Variants in IDO2 observed in about 807,000 individuals in gnomAD.
The protein encoded by IDO2 is indoleamine 2,3-dioxygenase 2.
A neutral mutation model predicts 45.1 loss-of-function variants in IDO2; 46 were observed. The observed-to-expected ratio is 1.02, with a 90% CI of 0.80 to 1.30. The LOEUF is 1.30. Among genes scored for constraint, IDO2 ranks in the 50% most tolerant of loss-of-function variants. The pLI is 0.00. For synonymous variants in IDO2, 218 were observed against 184.9 expected (o/e 1.18, Z -1.45); for missense variants, 544 against 491.8 (o/e 1.11, Z -1.00).
intron 9 of IDO2, among the ~76,000 whole-genome samples, chr8:40,010,401 C>T (rs906265219): frequency 1.3e-5 from 2 of 152,160 alleles, no homozygotes; most frequent in African/African-American, 4.8e-5. Context: ...TCATGTAGAG[C>T]TTTGTCAGCT....
At chr8:40,006,605 C>A (rs1802225663) in intron 9 of IDO2, among the ~76,000 whole-genome samples, 1 of 151,874 alleles carries the variant, frequency 6.6e-6, no homozygotes, top group African/African-American at 2.4e-5. Flanking sequence ...CTTCTTTTGT[C>A]ACATGGCTTG....
At chr8:40,011,391 G>C (rs1802308912) in intron 9 of IDO2, among the ~76,000 whole-genome samples, 2 of 152,188 alleles carry the variant, frequency 1.3e-5, no homozygotes, top group African/African-American at 4.8e-5. Context: ...TACAAAGAAA[G>C]ACCCGAACAT....
intron 3 of IDO2, among the ~76,000 whole-genome samples, chr8:39,966,417 A>G (rs1216281729): frequency 6.6e-6 from 1 of 152,250 alleles, no homozygotes; most frequent in Admixed American, 6.5e-5. Flanking sequence ...TGAAACAGGA[A>G]TTGTTTGTGA....
chr8:39,937,297 GA>G (rs1272982174), intron 1 of IDO2, among the ~76,000 whole-genome samples: 1 of 152,130 alleles, frequency 6.6e-6, no homozygotes, highest in African/African-American at 2.4e-5. Flanking sequence ...ACCAGGTACG[GA>G]AAAAATGAAA....
chr8:40,002,782 A>AAAAT (rs933791399), intron 8 of IDO2, among the ~76,000 whole-genome samples: 1 of 152,088 alleles, frequency 6.6e-6, no homozygotes, highest in Non-Finnish European at 1.5e-5. Flanking sequence ...TCCATCTCCA[A>AAAAT]AAATAAATAA....
chr8:39,939,041 C>T (rs1807599750), intron 1 of IDO2, among the ~76,000 whole-genome samples: 1 of 150,796 alleles, frequency 6.6e-6, no homozygotes, highest in South Asian at 2.1e-4. Flanking sequence ...ATCACCAGGT[C>T]AGGAGTTTGA....
At chr8:39,935,111 C>T in exon 1 of IDO2, 1 of 1,107,048 alleles carries the variant, frequency 9.0e-7, no homozygotes, top group Non-Finnish European at 1.4e-6. Context: ...TACCATAATA[C>T]AGAAGGCAAT....
chr8:39,979,230 C>G (rs1808305703), intron 4 of IDO2, 44 bp downstream of exon 4: 1 of 1,552,870 alleles, frequency 6.4e-7, no homozygotes, highest in African/African-American at 1.4e-5. Context: ...GGCAGGTTAC[C>G]TGCGCCTGGA....
At chr8:39,985,852 A>G in intron 6 of IDO2, 1 of 232,322 alleles carries the variant, frequency 4.3e-6, no homozygotes, top group Non-Finnish European at 8.4e-6. Flanking sequence ...TTTTTTTGAG[A>G]CTGAGTCTTA....
chr8:39,970,263 C>G (rs905530347), intron 3 of IDO2, among the ~76,000 whole-genome samples: 2 of 152,208 alleles, frequency 1.3e-5, no homozygotes, highest in African/African-American at 4.8e-5. Context: ...AGGCTAGAAG[C>G]CATCTCCACA....
chr8:39,958,073 T>C (rs1807930415), intron 2 of IDO2, among the ~76,000 whole-genome samples: 1 of 151,754 alleles, frequency 6.6e-6, no homozygotes, highest in African/African-American at 2.4e-5. Flanking sequence ...GCCCGGCTCA[T>C]TTTTTGTATT....
intron 2 of IDO2, among the ~76,000 whole-genome samples, chr8:39,955,625 G>A (rs1001965063): frequency 6.6e-6 from 1 of 152,080 alleles, no homozygotes; most frequent in Non-Finnish European, 1.5e-5. Context: ...CGATAGCCAT[G>A]ATCCATAGCT....
intron 1 of IDO2, among the ~76,000 whole-genome samples, chr8:39,940,957 C>A (rs1807633139): frequency 6.7e-6 from 1 of 148,692 alleles, no homozygotes; most frequent in South Asian, 2.1e-4. Flanking sequence ...TGGCTGGGCG[C>A]GGTAGGTCAT....
chr8:39,999,753 A>G (rs571777199), intron 8 of IDO2, among the ~76,000 whole-genome samples: 191 of 152,300 alleles, frequency 1.3e-3, no homozygotes, highest in Non-Finnish European at 2.0e-3. Flanking sequence ...GGGAGCCACC[A>G]TGCCTGGCCA....
At chr8:39,978,782 T>A (rs1314602276) in intron 3 of IDO2, among the ~76,000 whole-genome samples, 1 of 151,988 alleles carries the variant, frequency 6.6e-6, no homozygotes, top group Non-Finnish European at 1.5e-5. Context: ...AGCAGTGGCT[T>A]CAGGGATGGA....
At chr8:39,949,047 C>T (rs1807777848) in intron 1 of IDO2, 102 bp from the exon 2 acceptor site, 1 of 1,466,278 alleles carries the variant, frequency 6.8e-7, no homozygotes, top group African/African-American at 1.4e-5. Flanking sequence ...AAAGTTCTCT[C>T]CTGTGCCTGA....
chr8:39,948,802 G>A (rs1807775072), intron 1 of IDO2, among the ~76,000 whole-genome samples: 1 of 151,994 alleles, frequency 6.6e-6, no homozygotes, highest in South Asian at 2.1e-4. Context: ...TACCTGTTAG[G>A]GTACAGGTTT....
In IDO2 at chr8:40,011,623, G is replaced by T. The variant is rs150813917; in HGVS notation, c.720-1942G>T. On this transcript the variant is annotated intron_variant, in intron 9 of 10. Coordinates refer to ENST00000502986, the Ensembl canonical transcript of IDO2. The stretch of plus-strand genomic sequence containing the variant: ...GTTACACAGTAATGAAAGGGGAGCC[G>T]GGATTCCCACTCACTCTAAAGAATA... Among the ~76,000 whole-genome samples, 438 of 152,262 alleles carry T rather than the reference G, an allele frequency of 2.9e-3. 3 individuals are homozygous for T. Among genetic ancestry groups the T allele is most frequent in the African/African-American group, 1.0e-2 (415 of 41,538 alleles).
chr8:40,007,192 A>G (rs1393650580), intron 9 of IDO2, among the ~76,000 whole-genome samples: 2 of 151,860 alleles, frequency 1.3e-5, no homozygotes, highest in Non-Finnish European at 2.9e-5. Context: ...AGACACCTGA[A>G]GTGCTATCAA....
Sources: allele counts gnomAD v4.1 joint callset (sites outside exome capture counted in the v4.1 genomes callset), GRCh38; gene constraint gnomAD v4.1.1; transcripts MANE v1.5; gene names NCBI Gene and HGNC (gene_info 2026-07-23, HGNC 2026-07-21).